NEB: variants seen among roughly 807,000 people sequenced by gnomAD.
The protein encoded by NEB is nemaline myopathy type 2.
NEB carries 512 observed loss-of-function variants against 952.2 expected under a neutral mutation model. The observed-to-expected ratio is 0.54, with a 90% CI of 0.50 to 0.58. NEB has a LOEUF of 0.58. NEB is among the 20% of genes least tolerant of loss of function. The pLI, the probability that NEB is intolerant of heterozygous loss-of-function variation, is 0.00. For synonymous variants in NEB, 2,900 were observed against 3,149.8 expected, an observed-to-expected ratio of 0.92 and a Z score of 2.66; for missense variants, 8,428 against 9,231.1, an observed-to-expected ratio of 0.91 and a Z score of 3.56.
At chr2:151,564,802 C>T (rs1391997213) in intron 117 of NEB, among the ~76,000 whole-genome samples, 2 of 152,190 alleles carry the variant, frequency 1.3e-5, no homozygotes, top group African/African-American at 4.8e-5. Context: ...TCTCATTGAG[C>T]TTTAGCCCCT....
chr2:151,689,125 T>C (rs2099525600), intron 24 of NEB: 1 of 151,990 alleles, frequency 6.6e-6, no homozygotes, highest in South Asian at 2.1e-4. Flanking sequence ...CACGAACTTC[T>C]GTAATTAAAG....
chr2:151,559,956 C>T (rs1366724473), intron 124 of NEB, among the ~76,000 whole-genome samples: 1 of 151,972 alleles, frequency 6.6e-6, no homozygotes, highest in Non-Finnish European at 1.5e-5. Flanking sequence ...AAACAAAACA[C>T]ACACACGCAA....
chr2:151,697,550 A>G lies in NEB; in HGVS notation c.1251T>C (p.Ser417=). The G allele has an allele frequency of 6.2e-7, 1 of 1,612,246 alleles. No individual in the cohort carries two copies. The highest frequency in any genetic ancestry group is 8.5e-7 in the Non-Finnish European group (1 of 1,179,100). ...FKLDTVLQNF[S]SDKKYKDSYL... is the part of the protein sequence containing the mutation. ...TGACAGTAGGATTGCTTACATCACTACTGAAGTTCTGCAGAACAGTATCGA... is the reference window on the plus strand; with the variant it reads ...TGACAGTAGGATTGCTTACATCACTGCTGAAGTTCTGCAGAACAGTATCGA... Residue 417 remains serine, a synonymous_variant, in exon 14 of 182, where the codon AGT becomes AGC. Coordinates refer to ENST00000397345, the MANE Select transcript of NEB (RefSeq NM_001164508.2).
chr2:151,623,335 C>G (rs1436387607), intron 71 of NEB, among the ~76,000 whole-genome samples: 1 of 152,112 alleles, frequency 6.6e-6, no homozygotes, highest in East Asian at 1.9e-4. Context: ...ATTTACAGTT[C>G]TATAAAGCTT....
intron 56 of NEB, 108 bp from the exon 57 acceptor site, chr2:151,644,237 G>T: frequency 7.0e-7 from 1 of 1,425,336 alleles, no homozygotes; most frequent in Non-Finnish European, 9.5e-7. Flanking sequence ...AGCCTAGAGA[G>T]CCAAAGACTT....
intron 12 of NEB, among the ~76,000 whole-genome samples, chr2:151,707,488 G>C (rs887088464): frequency 1.3e-5 from 2 of 150,496 alleles, no homozygotes; most frequent in Non-Finnish European, 3.0e-5. Flanking sequence ...ACTGTGCATG[G>C]AGCACACATG....
intron 13 of NEB, 129 bp downstream of exon 13, chr2:151,706,752 C>T (rs1336016264): frequency 2.9e-6 from 2 of 679,136 alleles, no homozygotes; most frequent in East Asian, 5.5e-5. Context: ...TTACATAGTT[C>T]CAATGAACCT....
At chr2:151,725,090 T>G (rs1358404352) in intron 6 of NEB, 129 bp from the exon 7 acceptor site, 1 of 698,642 alleles carries the variant, frequency 1.4e-6, no homozygotes, top group East Asian at 2.7e-5. Flanking sequence ...AGTTTCTGCA[T>G]TTTAGCTGGA....
At chr2:151,573,435 C>T (rs1200782467) in intron 107 of NEB, among the ~76,000 whole-genome samples, 1 of 152,180 alleles carries the variant, frequency 6.6e-6, no homozygotes, top group Non-Finnish European at 1.5e-5. Flanking sequence ...GGCGTCTATA[C>T]TGCAGTGAAG....
chr2:151,712,022 T>C (rs983666771), intron 10 of NEB, among the ~76,000 whole-genome samples: 4 of 152,198 alleles, frequency 2.6e-5, no homozygotes, highest in African/African-American at 7.2e-5. Context: ...TATAGAAATG[T>C]TTCTCATCTT....
intron 68 of NEB, among the ~76,000 whole-genome samples, chr2:151,628,787 G>A (rs550482658): frequency 1.4e-3 from 213 of 152,148 alleles, no homozygotes; most frequent in African/African-American, 4.6e-3. Flanking sequence ...ACTTGAACCC[G>A]GGAGGCGGAG....
At chr2:151,491,886 G>T in intron 178 of NEB, 111 bp from the exon 179 acceptor site, 1 of 1,028,804 alleles carries the variant, frequency 9.7e-7, no homozygotes, top group Non-Finnish European at 1.4e-6. Context: ...ACTTATTCCA[G>T]CTTAGGTTCT....
Position 151,493,987 on chromosome 2 carries a change from A to G in NEB, c.24580-120T>C. 4 of 901,158 alleles carry G rather than the reference A, an allele frequency of 4.4e-6. No individual in the cohort carries two copies. The South Asian group carries it at 6.8e-5, about 15-fold the overall frequency. The allele number at this position is 901,158 out of a possible 1,614,324, so 55.8% of individuals were successfully genotyped here. A position where few individuals can be genotyped will look rare whatever the true frequency, so the allele number is the denominator to read the frequency against. On this transcript the variant is annotated intron_variant, in intron 174 of 181. Transcript: ENST00000397345. ...TTACTATTAGTGAGAACACCTCTCA[A>G]GAAGAAAGCTTAAAAATAGTTAATG...
chr2:151,515,891 A>G (rs186873048), intron 157 of NEB, among the ~76,000 whole-genome samples: 169 of 152,328 alleles, frequency 1.1e-3, no homozygotes, highest in African/African-American at 3.8e-3. Context: ...GCAAATGGAA[A>G]TTCCAAATAA....
intron 3 of NEB, among the ~76,000 whole-genome samples, chr2:151,731,964 C>T (rs2099810277): frequency 6.6e-6 from 1 of 152,136 alleles, no homozygotes; most frequent in Non-Finnish European, 1.5e-5. Flanking sequence ...GAGATTCATT[C>T]TATTTTTTCC....
chr2:151,658,706 C>G (rs1356427990), intron 47 of NEB, among the ~76,000 whole-genome samples: 1 of 152,120 alleles, frequency 6.6e-6, no homozygotes, highest in South Asian at 2.1e-4. Context: ...TCTTTAGAAC[C>G]ATCTCAAAGG....
chr2:151,487,507 G>C (rs879229936), intron 181 of NEB, among the ~76,000 whole-genome samples: 1 of 152,010 alleles, frequency 6.6e-6, no homozygotes, highest in Admixed American at 6.5e-5. Context: ...ATTTAATATA[G>C]CTTGGAAGTC....
chr2:151,635,820 T>C (rs1335287030), intron 64 of NEB, among the ~76,000 whole-genome samples: 1 of 152,206 alleles, frequency 6.6e-6, no homozygotes, highest in Non-Finnish European at 1.5e-5. Flanking sequence ...GCATGTGTTT[T>C]AAAATACTAT....
rs763602340 is a variant in NEB at position 151,656,203 on chromosome 2, C to A, written c.6445G>T (p.Asp2149Tyr). The A allele has an allele frequency of 6.2e-7, 1 of 1,610,330 alleles. No homozygotes were observed. Among genetic ancestry groups the A allele is most frequent in the Non-Finnish European group, 8.5e-7 (1 of 1,177,638 alleles). Residue 2149 changes from aspartate (D) to tyrosine (Y), a missense_variant, in exon 49 of 182, where the codon GAT (aspartate) becomes TAT (tyrosine). By Grantham distance (160) the Asp-to-Tyr change is radical. Transcript: ENST00000397345. Reference protein sequence around the residue: ...HLIHKYILLPDAMNIELTRNM... With the variant: ...HLIHKYILLPYAMNIELTRNM... ...CTGGTCAGCTCAATGTTCATTGCAT[C>A]TGGAAGGAGGATGTACTTGTGAATC...
Sources: allele counts gnomAD v4.1 joint callset (sites outside exome capture counted in the v4.1 genomes callset), GRCh38; gene constraint gnomAD v4.1.1; transcripts MANE v1.5; gene names NCBI Gene and HGNC (gene_info 2026-07-23, HGNC 2026-07-21).